The following DNM3 variants were observed in gnomAD, a reference collection of about 807,000 sequenced individuals.
The protein encoded by DNM3 is dynamin 3, also known as dynamin-3.
DNM3 carries 47 observed loss-of-function variants against 101.6 expected under a neutral mutation model. The observed-to-expected ratio is 0.46, with a 90% CI of 0.37 to 0.59. The LOEUF is 0.59. DNM3 is among the 20% of genes least tolerant of loss of function. DNM3 has a pLI of 0.00. For missense variants in DNM3, 849 were observed against 1,085.7 expected, an observed-to-expected ratio of 0.78 and a Z score of 3.06; for synonymous variants, 385 against 387.9, an observed-to-expected ratio of 0.99 and a Z score of 0.09.
At chr1:172,195,279 C>G (rs376555813) in intron 14 of DNM3, among the ~76,000 whole-genome samples, 1 of 151,914 alleles carries the variant, frequency 6.6e-6, no homozygotes, top group African/African-American at 2.4e-5. Flanking sequence ...AATCTTGAAT[C>G]TTATAACCTT....
intron 1 of DNM3, among the ~76,000 whole-genome samples, chr1:171,910,318 G>C (rs1389712683): frequency 6.6e-6 from 1 of 152,190 alleles, no homozygotes; most frequent in Non-Finnish European, 1.5e-5. Context: ...CACAATTTAT[G>C]TTTTAAATTG....
chr1:171,945,111 C>A (rs1187064992), intron 2 of DNM3, among the ~76,000 whole-genome samples: 1 of 151,884 alleles, frequency 6.6e-6, no homozygotes, highest in African/African-American at 2.4e-5. Flanking sequence ...CTCAAGTAAT[C>A]CTACTGCTTT....
At chr1:172,341,287 A>G (rs1573532903) in intron 17 of DNM3, among the ~76,000 whole-genome samples, 1 of 152,238 alleles carries the variant, frequency 6.6e-6, no homozygotes, top group African/African-American at 2.4e-5. Flanking sequence ...GGAATAATCA[A>G]TATCATTAAA....
chr1:171,936,706 C>A (rs910715918), intron 2 of DNM3, among the ~76,000 whole-genome samples: 4 of 151,930 alleles, frequency 2.6e-5, no homozygotes, highest in Admixed American at 6.6e-5. Flanking sequence ...AAAGGGTGTC[C>A]ATGTTTTAAA....
rs748395660 is a variant in DNM3, at chr1:172,042,122, G to T, written c.1106G>T (p.Arg369Leu). Reference protein sequence around the residue: ...GAKINRIFHERFPFEIVKMEF... With the variant: ...GAKINRIFHELFPFEIVKMEF... ...AAAATCAATCGTATTTTTCATGAACGCTTTCCTTTTGAGATAGTAAAGGTT... is the reference window on the plus strand; with the variant it reads ...AAAATCAATCGTATTTTTCATGAACTCTTTCCTTTTGAGATAGTAAAGGTT... The change falls in exon 8 of 21, where the codon CGC (arginine) becomes CTC (leucine). Residue 369 changes from arginine to leucine, a missense_variant. This residue lies in a region of DNM3 where 388 missense variants were observed against 483.0 expected (regional missense o/e 0.80). Coordinates refer to ENST00000627582, the MANE Select transcript of DNM3 (RefSeq NM_015569.5). The T allele has an allele frequency of 2.5e-6, 4 of 1,605,994 alleles. No individual in the cohort carries two copies. Among genetic ancestry groups the T allele is most frequent in the Non-Finnish European group, 2.5e-6 (3 of 1,177,768 alleles).
chr1:172,346,651 A>G (rs1488473069), intron 17 of DNM3, among the ~76,000 whole-genome samples: 1 of 152,228 alleles, frequency 6.6e-6, no homozygotes, highest in Admixed American at 6.5e-5. Flanking sequence ...ACATATACAC[A>G]TATTTATAGT....
intron 4 of DNM3, among the ~76,000 whole-genome samples, chr1:172,030,481 C>A (rs899105194): frequency 1.3e-4 from 19 of 151,802 alleles, no homozygotes; most frequent in Non-Finnish European, 2.7e-4. Context: ...CAATACCATT[C>A]AGGACATGGG....
intron 16 of DNM3, among the ~76,000 whole-genome samples, chr1:172,314,309 C>T (rs947248122): frequency 6.6e-6 from 1 of 152,134 alleles, no homozygotes; most frequent in Admixed American, 6.5e-5. Flanking sequence ...GCGTGAGCAA[C>T]GCAGAAGACG....
chr1:172,049,572 G>A (rs534237096), intron 10 of DNM3, among the ~76,000 whole-genome samples: 15 of 152,074 alleles, frequency 9.9e-5, no homozygotes, highest in African/African-American at 2.4e-4. Flanking sequence ...TGAATTCCTC[G>A]GTTCATGAAA....
intron 16 of DNM3, among the ~76,000 whole-genome samples, chr1:172,317,605 C>A (rs557271521): frequency 6.6e-6 from 1 of 152,126 alleles, no homozygotes; most frequent in Non-Finnish European, 1.5e-5. Flanking sequence ...AGAATACTAC[C>A]AACACCTCTA....
At chr1:172,386,408 C>T (rs2069182786) in intron 18 of DNM3, among the ~76,000 whole-genome samples, 1 of 152,144 alleles carries the variant, frequency 6.6e-6, no homozygotes, top group Admixed American at 6.6e-5. Flanking sequence ...CAACAAAATG[C>T]CCCTCCCCCT....
At chr1:172,256,767 A>AT (rs2062416262) in intron 15 of DNM3, among the ~76,000 whole-genome samples, 1 of 151,718 alleles carries the variant, frequency 6.6e-6, no homozygotes. Flanking sequence ...TAGCTCATTA[A>AT]TTTTTATCCT....
intron 15 of DNM3, chr1:172,289,596 A>C: frequency 1.0e-6 from 1 of 960,364 alleles, no homozygotes; most frequent in African/African-American, 1.8e-5. Flanking sequence ...AAAATATTAT[A>C]TTCTTCTTTG....
At chr1:171,943,990 A>G (rs2041985625) in intron 2 of DNM3, among the ~76,000 whole-genome samples, 1 of 152,186 alleles carries the variant, frequency 6.6e-6, no homozygotes, top group Non-Finnish European at 1.5e-5. Flanking sequence ...TAAGAAAAAA[A>G]AAGTTGTTTG....
chr1:171,985,543 G>A (rs955838459), intron 2 of DNM3, among the ~76,000 whole-genome samples: 7 of 152,178 alleles, frequency 4.6e-5, no homozygotes, highest in Non-Finnish European at 1.0e-4. Flanking sequence ...TTTACTGTTG[G>A]ATATACTTCC....
chr1:172,339,289 T>C (rs2066585248), intron 17 of DNM3, among the ~76,000 whole-genome samples: 2 of 152,212 alleles, frequency 1.3e-5, no homozygotes, highest in Non-Finnish European at 2.9e-5. Flanking sequence ...CTTGAAAATT[T>C]TTACCCAACT....
chr1:172,308,837 G>A lies in DNM3; in HGVS notation c.1879G>A (p.Val627Ile), dbSNP rs1232911054. Residue 627 changes from valine to isoleucine, a missense_variant and splice_region_variant, in exon 16 of 21, where the codon GTA becomes ATA. Coordinates refer to ENST00000627582, the MANE Select transcript of DNM3 (RefSeq NM_015569.5). ...AGCTGGGGTCTATCCTGACAAATCT[G>A]TAGTAAGTTGGATATATCTCTTATG... ...LRAGVYPDKS[V>I]GNNKAENDEN... is the part of the protein sequence containing the mutation. 6.3e-7 allele frequency: 1 copy of A among 1,574,920 alleles called. No homozygotes were observed. The highest frequency in any genetic ancestry group is 8.7e-7 in the Non-Finnish European group (1 of 1,149,288).
intron 17 of DNM3, among the ~76,000 whole-genome samples, chr1:172,356,476 T>G (rs2067457088): frequency 6.6e-6 from 1 of 152,106 alleles, no homozygotes; most frequent in Non-Finnish European, 1.5e-5. Flanking sequence ...TAATCCAAGT[T>G]ACACTTTGCT....
intron 13 of DNM3, among the ~76,000 whole-genome samples, chr1:172,118,449 C>T (rs1479411893): frequency 6.6e-6 from 1 of 152,188 alleles, no homozygotes; most frequent in Admixed American, 6.5e-5. Flanking sequence ...GATAGCACAT[C>T]TTGTTGCTTC....
Sources: allele counts gnomAD v4.1 joint callset (sites outside exome capture counted in the v4.1 genomes callset), GRCh38; gene constraint gnomAD v4.1.1; regional missense constraint gnomAD v4.1.1; transcripts MANE v1.5; gene names NCBI Gene and HGNC (gene_info 2026-07-23, HGNC 2026-07-21).